Variants in GRIK1 observed in about 807,000 individuals in gnomAD.
GRIK1 encodes the protein glutamate receptor ionotropic, kainate 1.
Under a neutral mutation model 105.7 loss-of-function variants are expected in GRIK1, and 69 were observed. The observed-to-expected ratio is 0.65, with a 90% CI of 0.54 to 0.80. GRIK1 has a LOEUF of 0.80. GRIK1 is among the 30% of genes least tolerant of loss of function. The pLI is 0.00. For synonymous variants in GRIK1, 438 were observed against 431.3 expected (o/e 1.02, Z -0.19); for missense variants, 1,109 against 1,167.3 (o/e 0.95, Z 0.73).
chr21:29,622,087 C>T lies in GRIK1; in HGVS notation c.1098+20739G>A, dbSNP rs187966304. ...TCAGCCTCCTGAGTAGCTGGGATTACAGGTGCATGCCACCACACCTGGCTA... is the reference window on the plus strand; with the variant it reads ...TCAGCCTCCTGAGTAGCTGGGATTATAGGTGCATGCCACCACACCTGGCTA... On this transcript the variant is annotated intron_variant, in intron 7 of 17. Coordinates refer to ENST00000327783, the MANE Select transcript of GRIK1 (RefSeq NM_001330994.2). 6.1e-3 allele frequency among the ~76,000 whole-genome samples: 929 copies of T among 152,082 alleles called. 11 individuals carry two copies. The highest frequency in any genetic ancestry group is 0.021 in the African/African-American group (875 of 41,468).
At chr21:29,899,030 C>G (rs1216130049) in intron 1 of GRIK1, among the ~76,000 whole-genome samples, 1 of 151,618 alleles carries the variant, frequency 6.6e-6, no homozygotes, top group African/African-American at 2.4e-5. Context: ...TTTTCATATT[C>G]TTATTGTAAT....
intron 1 of GRIK1, among the ~76,000 whole-genome samples, chr21:29,761,765 T>TA (rs2065529196): frequency 6.6e-6 from 1 of 151,514 alleles, no homozygotes; most frequent in South Asian, 2.1e-4. Context: ...TTTTTTTTTT[T>TA]TCTCACAGTT....
intron 1 of GRIK1, among the ~76,000 whole-genome samples, chr21:29,916,792 T>C (rs1317388408): frequency 1.3e-5 from 2 of 152,040 alleles, no homozygotes; most frequent in African/African-American, 2.4e-5. Flanking sequence ...CCAATGTTCC[T>C]GGTTTGCAGC....
chr21:29,771,153 A>G (rs1244815454), intron 1 of GRIK1, among the ~76,000 whole-genome samples: 1 of 152,242 alleles, frequency 6.6e-6, no homozygotes, highest in Non-Finnish European at 1.5e-5. Flanking sequence ...TCCAGTACCC[A>G]TAGTGACTCT....
At position 29,624,992 on chromosome 21, in the gene GRIK1, A is replaced by G. The variant is rs939605418; in HGVS notation, c.1098+17834T>C. Among the ~76,000 whole-genome samples the G allele has an allele frequency of 2.4e-4, 36 of 152,236 alleles. 1 individual carries two copies. The highest frequency in any genetic ancestry group is 5.8e-4 in the African/African-American group (24 of 41,462). On this transcript the variant is annotated intron_variant, in intron 7 of 17. Coordinates refer to ENST00000327783, the MANE Select transcript of GRIK1 (RefSeq NM_001330994.2). ...ACCTCCTGTTCCTCAGGGTGAGCTC[A>G]TAGCAGGTCTGTGTTGCTCTGTTAG... is the stretch of plus-strand genomic sequence containing the variant.
chr21:29,767,483 A>G lies in GRIK1; in HGVS notation c.119-73420T>C, dbSNP rs144129337. Among the ~76,000 whole-genome samples the G allele has an allele frequency of 3.3e-3, 503 of 152,234 alleles. 6 individuals carry two copies. Among genetic ancestry groups the G allele is most frequent in the African/African-American group, 0.011 (476 of 41,540 alleles). On this transcript the variant is annotated intron_variant, in intron 1 of 17. Transcript: ENST00000327783. Reference sequence around the variant, plus strand: ...CATTATGGAAGTTGTTGTGACCTTCATATAAAAAAAGGTTTGCTCAGGAGA... The same window carrying G: ...CATTATGGAAGTTGTTGTGACCTTCGTATAAAAAAAGGTTTGCTCAGGAGA...
At chr21:29,928,097 G>C (rs1404384086) in intron 1 of GRIK1, among the ~76,000 whole-genome samples, 2 of 152,132 alleles carry the variant, frequency 1.3e-5, no homozygotes, top group Non-Finnish European at 2.9e-5. Flanking sequence ...TAACACTAAG[G>C]AGAGTTGATG....
chr21:29,555,911 C>T (rs1216237629), intron 15 of GRIK1, among the ~76,000 whole-genome samples: 1 of 152,130 alleles, frequency 6.6e-6, no homozygotes, highest in East Asian at 1.9e-4. Context: ...AAGCACTGGC[C>T]TCAAGATAAG....
intron 4 of GRIK1, among the ~76,000 whole-genome samples, chr21:29,655,752 ACT>A (rs1201474542): frequency 6.6e-6 from 1 of 152,100 alleles, no homozygotes; most frequent in Non-Finnish European, 1.5e-5. Flanking sequence ...CCAATTTCAC[ACT>A]GTTTCTTCAT....
chr21:29,896,793 C>T (rs1601972331), intron 1 of GRIK1, among the ~76,000 whole-genome samples: 2 of 152,104 alleles, frequency 1.3e-5, no homozygotes, highest in Non-Finnish European at 1.5e-5. Flanking sequence ...GTGGCTGCCT[C>T]GGAATCAACA....
intron 16 of GRIK1, chr21:29,553,585 A>G (rs558852631): frequency 1.3e-6 from 2 of 1,599,902 alleles, no homozygotes; most frequent in Middle Eastern, 1.7e-4. Flanking sequence ...ACTGTTTTCG[A>G]ATCCCTCTCT....
intron 1 of GRIK1, among the ~76,000 whole-genome samples, chr21:29,740,854 T>C (rs115806047): frequency 0.015 from 2,321 of 152,160 alleles, 68 homozygotes; most frequent in African/African-American, 0.053. Context: ...GGTTGAGAGG[T>C]TGGCCTTTTC....
chr21:29,790,051 C>CTATT (rs1393512935), intron 1 of GRIK1, among the ~76,000 whole-genome samples: 8 of 151,874 alleles, frequency 5.3e-5, no homozygotes, highest in Admixed American at 2.0e-4. Flanking sequence ...ATTTATTTAT[C>CTATT]TATTTATTTA....
chr21:29,628,127 A>G (rs2062176248), intron 7 of GRIK1, among the ~76,000 whole-genome samples: 1 of 152,242 alleles, frequency 6.6e-6, no homozygotes, highest in Non-Finnish European at 1.5e-5. Context: ...TTCACCCTTC[A>G]TCTAAGCAAT....
intron 15 of GRIK1, among the ~76,000 whole-genome samples, chr21:29,560,573 T>TC (rs2090450066): frequency 1.8e-4 from 24 of 134,198 alleles, no homozygotes; most frequent in African/African-American, 6.5e-4. Flanking sequence ...TCTTTCTTTC[T>TC]TTCTCTCTTT....
At chr21:29,684,189 T>C (rs1292167068) in intron 3 of GRIK1, among the ~76,000 whole-genome samples, 1 of 152,224 alleles carries the variant, frequency 6.6e-6, no homozygotes, top group Non-Finnish European at 1.5e-5. Flanking sequence ...TGTGTGTGGT[T>C]TATCCCCATT....
At chr21:29,537,621 T>G (rs1308715180) in intron 17 of GRIK1, 177 bp downstream of exon 17, 4 of 693,718 alleles carry the variant, frequency 5.8e-6, no homozygotes, top group Non-Finnish European at 1.0e-5. Flanking sequence ...ACAAATGCAG[T>G]AGTATAAAAC....
rs567683291 is a variant in GRIK1 at position 29,553,391 on chromosome 21, A to C, written c.2607+1661T>G. 62 of 1,299,500 alleles carry C rather than the reference A, an allele frequency of 4.8e-5. No homozygotes were observed. The East Asian group carries it at 1.6e-3, about 33-fold the overall frequency. 80.5% of individuals were successfully genotyped at this position (1,299,500 alleles called of 1,614,324 possible). On this transcript the variant is annotated intron_variant, in intron 16 of 17. Coordinates refer to ENST00000327783, the MANE Select transcript of GRIK1 (RefSeq NM_001330994.2). ...CCCTGCTTCAACATACAGTGCAAGT[A>C]TCTTTCCAGTGTATTCATTTCAATG...
intron 1 of GRIK1, among the ~76,000 whole-genome samples, chr21:29,893,931 G>A (rs763327711): frequency 5.9e-5 from 9 of 152,180 alleles, no homozygotes; most frequent in Non-Finnish European, 1.3e-4. Flanking sequence ...GGGAGGTGAA[G>A]CATTAGTGCG....
Sources: gnomAD v4.1 joint callset for allele counts (sites outside exome capture counted in the v4.1 genomes callset) on GRCh38, gnomAD v4.1.1 for gene constraint, MANE v1.5 for transcripts, NCBI Gene and HGNC (gene_info 2026-07-23, HGNC 2026-07-21) for gene names.